The following RCAN2 variants were observed in gnomAD, a reference collection of about 807,000 sequenced individuals.
The protein encoded by RCAN2 is calcipressin-2.
A neutral mutation model predicts 23.6 loss-of-function variants in RCAN2; 9 were observed. The observed-to-expected ratio is 0.38, with a 90% CI of 0.23 to 0.67. The LOEUF is 0.67. RCAN2 is among the 30% of genes least tolerant of loss of function. The probability of loss-of-function intolerance (pLI) is 0.51; values close to 1 mark genes in which losing one functional copy is unlikely to be tolerated. For missense variants in RCAN2, 273 were observed against 302.3 expected (o/e 0.90, Z 0.72); for synonymous variants, 109 against 115.7 (o/e 0.94, Z 0.37).
chr6:46,238,009 C>T (rs1766165463), intron 4 of RCAN2, among the ~76,000 whole-genome samples: 1 of 152,182 alleles, frequency 6.6e-6, no homozygotes, highest in South Asian at 2.1e-4. Flanking sequence ...TCCCCCTGAG[C>T]CTGGCCCAAA....
chr6:46,315,292 G>A (rs1330863284), intron 2 of RCAN2, among the ~76,000 whole-genome samples: 1 of 151,548 alleles, frequency 6.6e-6, no homozygotes, highest in Non-Finnish European at 1.5e-5. Flanking sequence ...CCCTCATGAA[G>A]CTTGCATTCT....
intron 2 of RCAN2, among the ~76,000 whole-genome samples, chr6:46,391,601 T>C (rs1396946587): frequency 6.6e-6 from 1 of 152,192 alleles, no homozygotes; most frequent in Non-Finnish European, 1.5e-5. Flanking sequence ...ACTTCAAATC[T>C]TGAGAGCAAA....
intron 2 of RCAN2, chr6:46,325,525 G>A: frequency 6.2e-7 from 1 of 1,610,610 alleles, no homozygotes; most frequent in East Asian, 2.2e-5. Context: ...CCTCAGAGTT[G>A]GGAGTGAAGG....
At chr6:46,388,217 C>A (rs971630030) in intron 2 of RCAN2, among the ~76,000 whole-genome samples, 8 of 151,524 alleles carry the variant, frequency 5.3e-5, no homozygotes, top group Non-Finnish European at 1.2e-4. Flanking sequence ...CAAACCTGCA[C>A]GTTGTGCACA....
intron 2 of RCAN2, among the ~76,000 whole-genome samples, chr6:46,364,691 G>A (rs911167728): frequency 3.3e-5 from 5 of 152,164 alleles, no homozygotes; most frequent in Non-Finnish European, 7.4e-5. Flanking sequence ...GATGCTGACT[G>A]TTGGTGCCCA....
At chr6:46,273,607 CAT>C (rs1321239485) in intron 2 of RCAN2, among the ~76,000 whole-genome samples, 3 of 152,060 alleles carry the variant, frequency 2.0e-5, no homozygotes, top group Non-Finnish European at 4.4e-5. Flanking sequence ...TCCTTTATCA[CAT>C]GAGAAAAAAA....
intron 2 of RCAN2, among the ~76,000 whole-genome samples, chr6:46,286,645 C>A (rs566301393): frequency 2.6e-5 from 4 of 152,130 alleles, no homozygotes; most frequent in South Asian, 4.2e-4. Context: ...TTCTGGGAAG[C>A]TAGAGAATAT....
intron 4 of RCAN2, among the ~76,000 whole-genome samples, chr6:46,242,546 C>T (rs1766344207): frequency 6.6e-6 from 1 of 152,192 alleles, no homozygotes; most frequent in Non-Finnish European, 1.5e-5. Context: ...GTTCATCATT[C>T]CTCTAATGCA....
chr6:46,350,644 T>C (rs981930984), intron 2 of RCAN2, among the ~76,000 whole-genome samples: 1 of 152,242 alleles, frequency 6.6e-6, no homozygotes, highest in African/African-American at 2.4e-5. Context: ...ATAAAGCCAC[T>C]GCAAAGGATA....
rs528434181 is a variant in RCAN2, at chr6:46,398,518, G to A, written c.225+58234C>T. ...TAGACATGTTCTGGATCATCTTCAC[G>A]ATCTCAGCAGGTATAACAAAGATGG... On this transcript the variant is annotated intron_variant, in intron 2 of 4. Coordinates refer to ENST00000371374, the MANE Select transcript of RCAN2 (RefSeq NM_001251974.2). 1.8e-4 allele frequency among the ~76,000 whole-genome samples: 28 copies of A among 152,160 alleles called. 1 individual carries two copies. The highest frequency in any genetic ancestry group is 6.2e-4 in the South Asian group (3 of 4,812).
At chr6:46,357,339 T>C (rs1038824284) in intron 2 of RCAN2, among the ~76,000 whole-genome samples, 2 of 152,166 alleles carry the variant, frequency 1.3e-5, no homozygotes, top group African/African-American at 2.4e-5. Flanking sequence ...AAAATTCAAA[T>C]GGAAATTTGG....
chr6:46,236,308 C>T (rs1217564117), intron 4 of RCAN2, among the ~76,000 whole-genome samples: 1 of 152,166 alleles, frequency 6.6e-6, no homozygotes, highest in Non-Finnish European at 1.5e-5. Context: ...TTCCTCCAAC[C>T]ACCACTTCCC....
intron 2 of RCAN2, among the ~76,000 whole-genome samples, chr6:46,300,638 T>C (rs1383698124): frequency 1.3e-5 from 2 of 152,084 alleles, no homozygotes; most frequent in African/African-American, 2.4e-5. Context: ...TGAAATCATA[T>C]GTTATGACAT....
At chr6:46,270,855 T>C (rs1767500913) in intron 2 of RCAN2, among the ~76,000 whole-genome samples, 1 of 152,130 alleles carries the variant, frequency 6.6e-6, no homozygotes, top group South Asian at 2.1e-4. Context: ...TCCAACAGCC[T>C]GTGAGGAGCT....
chr6:46,458,885 A>ACGCACGCGCGCGCGCG (rs1554142865), intron 1 of RCAN2, among the ~76,000 whole-genome samples: 3 of 148,154 alleles, frequency 2.0e-5, no homozygotes, highest in African/African-American at 7.7e-5. Flanking sequence ...TTACAGGAAA[A>ACGCACGCGCGCGCGCG]CGCGCGCGCA....
chr6:46,271,499 C>T (rs1767522994), intron 2 of RCAN2, among the ~76,000 whole-genome samples: 1 of 152,184 alleles, frequency 6.6e-6, no homozygotes, highest in Admixed American at 6.5e-5. Context: ...AACATCTGAG[C>T]ACCGTGGCAC....
At chr6:46,441,602 A>G (rs929320141) in intron 2 of RCAN2, among the ~76,000 whole-genome samples, 2 of 152,210 alleles carry the variant, frequency 1.3e-5, no homozygotes, top group African/African-American at 4.8e-5. Context: ...AATATGGTTG[A>G]TTAAAAAACC....
intron 1 of RCAN2, among the ~76,000 whole-genome samples, chr6:46,472,197 G>C (rs1391094941): frequency 6.6e-6 from 1 of 152,120 alleles, no homozygotes; most frequent in Non-Finnish European, 1.5e-5. Context: ...GCATATAACA[G>C]GCTTTTGGGC....
chr6:46,412,963 A>G (rs990004125), intron 2 of RCAN2, among the ~76,000 whole-genome samples: 3 of 152,354 alleles, frequency 2.0e-5, no homozygotes, highest in Non-Finnish European at 4.4e-5. Context: ...AATAAATTAT[A>G]AAACAATCCC....
Sources: gnomAD v4.1 joint callset for allele counts (sites outside exome capture counted in the v4.1 genomes callset) on GRCh38, gnomAD v4.1.1 for gene constraint, MANE v1.5 for transcripts, NCBI Gene and HGNC (gene_info 2026-07-23, HGNC 2026-07-21) for gene names.